Variants in NELFB observed in about 807,000 individuals in gnomAD.
The protein encoded by NELFB is negative elongation factor B.
A neutral mutation model predicts 60.2 loss-of-function variants in NELFB; 34 were observed. That is an observed-to-expected ratio of 0.56 (90% CI 0.43 to 0.75). The LOEUF (loss-of-function observed/expected upper bound fraction) is 0.75, where lower values mean the gene tolerates loss of function less well. NELFB is among the 30% of genes least tolerant of loss of function. NELFB has a pLI of 0.00. For synonymous variants in NELFB, 459 were observed against 382.1 expected (o/e 1.20, Z -2.35); for missense variants, 770 against 831.6 (o/e 0.93, Z 0.91).
chr9:137,258,600 CA>C (rs1489260618), intron 4 of NELFB, among the ~76,000 whole-genome samples: 1 of 151,816 alleles, frequency 6.6e-6, no homozygotes, highest in African/African-American at 2.4e-5. Flanking sequence ...AGGCGCGCCC[CA>C]CCATGCCTGG....
chr9:137,257,531 TCGC>T (rs1837575526), intron 4 of NELFB, among the ~76,000 whole-genome samples: 1 of 143,402 alleles, frequency 7.0e-6, no homozygotes, highest in African/African-American at 2.6e-5. Flanking sequence ...AGACGGAGTT[TCGC>T]TATTGTTGCC....
At chr9:137,264,468 T>C (rs1588187737) in intron 6 of NELFB, 111 bp downstream of exon 6, 2 of 785,984 alleles carry the variant, frequency 2.5e-6, no homozygotes, top group East Asian at 2.7e-5. Flanking sequence ...ATATTGCTTT[T>C]TCTTTTGTTT....
At position 137,255,458 on chromosome 9, in the gene NELFB, G is replaced by A. The variant is rs933918787; in HGVS notation, c.93G>A (p.Gly31=). Residue 31 remains glycine, a synonymous_variant, in exon 1 of 13, where the codon GGG becomes GGA. Coordinates refer to ENST00000343053, the MANE Select transcript of NELFB (RefSeq NM_015456.5). ...CTGGGGTGTCTGCGGCGGCGCCGGG[G>A]GAACGGGCTGGGGATGGGGCGCCTA... 6.9e-7 allele frequency: 1 copy of A among 1,457,468 alleles called. No homozygotes were observed. The highest frequency in any genetic ancestry group is 9.1e-7 in the Non-Finnish European group (1 of 1,099,028). 90.3% of individuals were successfully genotyped at this position (1,457,468 alleles called of 1,614,324 possible).
At chr9:137,267,448 G>T in intron 10 of NELFB, 102 bp downstream of exon 10, 1 of 911,496 alleles carries the variant, frequency 1.1e-6, no homozygotes, top group East Asian at 2.7e-5. Flanking sequence ...GAGCTGCCTT[G>T]TCTCCCCAGC....
At chr9:137,255,813 G>T (rs1465494415) in intron 1 of NELFB, 94 bp from the exon 2 acceptor site, 1 of 1,555,844 alleles carries the variant, frequency 6.4e-7, no homozygotes, top group East Asian at 2.3e-5. Context: ...CAGCACGGCT[G>T]GGAACACCTG....
In NELFB at chr9:137,272,632, G is replaced by A; in HGVS notation, c.1740+17G>A. ...ACAGGCCAGGTGGGTGCCCGGGGGG[G>A]CTGCATCTGAAGGCACCTGGTCCCT... On this transcript the variant is annotated intron_variant, in intron 12 of 12. Transcript: ENST00000343053. 6.4e-7 allele frequency: 1 copy of A among 1,570,668 alleles called. No homozygotes were observed. The highest frequency in any genetic ancestry group is 8.6e-7 in the Non-Finnish European group (1 of 1,158,044).
chr9:137,262,992 G>A (rs371606659), intron 4 of NELFB, 45 bp from the exon 5 acceptor site: 16 of 1,587,672 alleles, frequency 1.0e-5, no homozygotes, highest in African/African-American at 5.4e-5. Flanking sequence ...TGTGTCTGGC[G>A]GAGCCCAGGA....
chr9:137,272,958 G>A lies in NELFB; in HGVS notation c.*30G>A. 1 of 1,480,362 alleles carries A rather than the reference G, an allele frequency of 6.8e-7. No individual in the cohort carries two copies. The highest frequency in any genetic ancestry group is 9.0e-7 in the Non-Finnish European group (1 of 1,111,414). The allele number at this position is 1,480,362 out of a possible 1,614,324, so 91.7% of individuals were successfully genotyped here. On this transcript the variant is annotated 3_prime_UTR_variant, in exon 13 of 13. Coordinates refer to ENST00000343053, the MANE Select transcript of NELFB (RefSeq NM_015456.5). ...CCTCCAGACCTGCTCGGGTGCTGGG[G>A]CCATGCCGAGTCGCGGCCCTGCTCA...
chr9:137,265,674 GCCGCGCCCGGC>G (rs1564444313), intron 6 of NELFB, among the ~76,000 whole-genome samples, 192 bp from the exon 7 acceptor site: 15 of 123,548 alleles, frequency 1.2e-4, no homozygotes, highest in Non-Finnish European at 1.8e-4. Flanking sequence ...AGGCTGAGCC[GCCGCGCCCGGC>G]CTGCCAAAGT....
At position 137,272,845 on chromosome 9, in the gene NELFB, C is replaced by T. The variant is rs757934247; in HGVS notation, c.1804C>T (p.Arg602Trp). ...CGAGAAGCTGGAACAGCTGGATCAC[C>T]GGAAGCCCAGCCCGGCACAGGCTGC... is the stretch of plus-strand genomic sequence containing the variant. The change falls in exon 13 of 13, where the codon CGG becomes TGG. Residue 602 changes from arginine to tryptophan, a missense_variant. Coordinates refer to ENST00000343053, the MANE Select transcript of NELFB (RefSeq NM_015456.5). 46 of 1,549,882 alleles carry T rather than the reference C, an allele frequency of 3.0e-5. No homozygotes were observed. Among genetic ancestry groups the T allele is most frequent in the Non-Finnish European group, 3.6e-5 (41 of 1,146,674 alleles).
In NELFB at chr9:137,268,411, CTG is replaced by C. The variant is rs1229541753; in HGVS notation, c.1489+1067_1489+1068del. ...CCAGTCTGGCCAACATGGTGAAACC[CTG>C]TCTCTACTAAAAAAATACAAAAATT... On this transcript the variant is annotated intron_variant, in intron 10 of 12. Coordinates refer to ENST00000343053, the MANE Select transcript of NELFB (RefSeq NM_015456.5). Among the ~76,000 whole-genome samples, 6 of 152,172 alleles carry C rather than the reference CTG, an allele frequency of 3.9e-5. No individual in the cohort carries two copies. In the East Asian group the frequency reaches 1.2e-3, roughly 29 times the overall value.
rs780536218 is a variant in NELFB, at chr9:137,263,146, C to T, written c.851C>T (p.Thr284Met). 17 of 1,614,076 alleles carry T rather than the reference C, an allele frequency of 1.1e-5. No individual in the cohort carries two copies. Among genetic ancestry groups the T allele is most frequent in the East Asian group, 2.2e-5 (1 of 44,886 alleles). The change falls in exon 5 of 13, where the codon ACG becomes ATG. Residue 284 changes from threonine (T) to methionine (M), a missense_variant. Transcript: ENST00000343053. The stretch of plus-strand genomic sequence containing the variant: ...CGCACGCGGAATGTGCACTACTGCA[C>T]GCTGCGGGCTGAGCTGCTCATGTCC...
At position 137,267,851 on chromosome 9, in the gene NELFB, A is replaced by G. The variant is rs896388442; in HGVS notation, c.1489+505A>G. Among the ~76,000 whole-genome samples, 3 of 152,192 alleles carry G rather than the reference A, an allele frequency of 2.0e-5. No homozygotes were observed. In the South Asian group the frequency reaches 6.2e-4, roughly 32 times the overall value. On this transcript the variant is annotated intron_variant, in intron 10 of 12. Transcript: ENST00000343053. ...TTACTAGGAAAGGGAGAGGGAGTTC[A>G]ACTTTGTGCTTTCCCACAAAAAGGT...
Position 137,269,266 on chromosome 9 carries a change from G to GAC in NELFB, c.1489+1921_1489+1922dup, listed in dbSNP as rs895190857. Among the ~76,000 whole-genome samples, 9 of 152,266 alleles carry GAC rather than the reference G, an allele frequency of 5.9e-5. No individual in the cohort carries two copies. The highest frequency in any genetic ancestry group is 2.2e-4 in the African/African-American group (9 of 41,538). On this transcript the variant is annotated intron_variant, in intron 10 of 12. Transcript: ENST00000343053. The surrounding 1 kb of genome is among the most constrained non-coding windows in gnomAD (Gnocchi z 5.3). The stretch of plus-strand genomic sequence containing the variant: ...GTTTCCTGTTGTTGCTGGAACGAAT[G>GAC]ACCACAGACAGTGGCATTAGACAGC...
rs1564446541 is a variant in NELFB, at chr9:137,273,177, A to G, written c.*249A>G. On this transcript the variant is annotated 3_prime_UTR_variant, in exon 13 of 13. Coordinates refer to ENST00000343053, the MANE Select transcript of NELFB (RefSeq NM_015456.5). ...TTTGGCAGCCATAGAAAGCGTGCTC[A>G]TTTTCTGTTTTCCTGTGTTAGGAAA... is the stretch of plus-strand genomic sequence containing the variant. The G allele has an allele frequency of 2.9e-6, 1 of 343,738 alleles. No homozygotes were observed. Among genetic ancestry groups the G allele is most frequent in the South Asian group, 8.4e-5 (1 of 11,876 alleles). 21.3% of individuals were successfully genotyped at this position (343,738 alleles called of 1,614,324 possible). A position where few individuals can be genotyped will look rare whatever the true frequency, so the allele number is the denominator to read the frequency against.
At chr9:137,264,038 T>A (rs1392403859) in intron 5 of NELFB, among the ~76,000 whole-genome samples, 1 of 152,214 alleles carries the variant, frequency 6.6e-6, no homozygotes, top group Non-Finnish European at 1.5e-5. Context: ...AGAAACATCA[T>A]CACTTTCTCC....
In NELFB at chr9:137,269,354, C is replaced by T. The variant is rs1830555720; in HGVS notation, c.1489+2008C>T. On this transcript the variant is annotated intron_variant, in intron 10 of 12. Transcript: ENST00000343053. The surrounding 1 kb of genome is among the most constrained non-coding windows in gnomAD (Gnocchi z 5.3). ...AACACTGCCGCTCCTTCTGGAGGCT[C>T]AGGGAGGCTCTTGAGGGCATTGGGA... is the stretch of plus-strand genomic sequence containing the variant. Among the ~76,000 whole-genome samples the T allele has an allele frequency of 6.6e-6, 1 of 152,012 alleles. No individual in the cohort carries two copies.
chr9:137,255,342 G>A lies in NELFB; in HGVS notation c.-24G>A, dbSNP rs1837530783. ...GGAAGTGGGCGGCTGCGGGACGCGC[G>A]CGGAGTCGCGCGGCGGGCGGGACCT... On this transcript the variant is annotated 5_prime_UTR_variant, in exon 1 of 13. Coordinates refer to ENST00000343053, the MANE Select transcript of NELFB (RefSeq NM_015456.5). 1.3e-5 allele frequency: 5 copies of A among 372,084 alleles called. No individual in the cohort carries two copies. Among genetic ancestry groups the A allele is most frequent in the South Asian group, 2.4e-4 (2 of 8,210 alleles). 23.0% of individuals were successfully genotyped at this position (372,084 alleles called of 1,614,324 possible).
Position 137,255,428 on chromosome 9 carries a change from G to A in NELFB, c.63G>A (p.Arg21=). 8.2e-7 allele frequency: 1 copy of A among 1,223,500 alleles called. No homozygotes were observed. The highest frequency in any genetic ancestry group is 1.1e-6 in the Non-Finnish European group (1 of 934,636). 75.8% of individuals were successfully genotyped at this position (1,223,500 alleles called of 1,614,324 possible). ...GCGGTCCCCGAGGCCCGGCGGAGCG[G>A]GCTTCTGGGGTGTCTGCGGCGGCGC... Residue 21 remains arginine (R), a synonymous_variant, in exon 1 of 13, where the codon CGG becomes CGA. Coordinates refer to ENST00000343053, the MANE Select transcript of NELFB (RefSeq NM_015456.5).
Sources: allele counts gnomAD v4.1 joint callset (sites outside exome capture counted in the v4.1 genomes callset), GRCh38; gene constraint gnomAD v4.1.1; non-coding constraint Gnocchi (gnomAD v3.1); transcripts MANE v1.5; gene names NCBI Gene and HGNC (gene_info 2026-07-23, HGNC 2026-07-21).